Variants in NIN observed in about 807,000 individuals in gnomAD.
NIN encodes ninein.
NIN carries 137 observed loss-of-function variants against 257.6 expected under a neutral mutation model. The ratio of observed to expected loss-of-function variants is 0.53; its 90% CI spans 0.46 to 0.61. The LOEUF is 0.61. NIN is among the 20% of genes least tolerant of loss of function. NIN has a pLI of 0.00. For missense variants in NIN, 2,439 were observed against 2,501.2 expected (o/e 0.98, Z 0.53); for synonymous variants, 918 against 919.8 (o/e 1.00, Z 0.04).
chr14:50,732,074 C>T (rs568659175), intron 28 of NIN, among the ~76,000 whole-genome samples: 4 of 152,226 alleles, frequency 2.6e-5, no homozygotes, highest in African/African-American at 9.6e-5. Flanking sequence ...CCGAAGTAGG[C>T]GTCAAATTCT....
Position 50,756,706 on chromosome 14 carries a change from C to T in NIN, c.4324G>A (p.Asp1442Asn). Residue 1442 changes from aspartate (D) to asparagine (N), a missense_variant, in exon 18 of 31, where the codon GAC becomes AAC. Physicochemically the swap from Asp to Asn is conservative, Grantham distance 23. Coordinates refer to ENST00000530997, the MANE Select transcript of NIN (RefSeq NM_020921.4). ...EENTTLLGFQ[D>N]KHFQHQATIA... ...GTGGCCTGATGCTGAAAATGTTTGT[C>T]TTGAAAGCCTAGGAGAGTAGTGTTT... The T allele has an allele frequency of 6.4e-7, 1 of 1,551,654 alleles. No homozygotes were observed. Among genetic ancestry groups the T allele is most frequent in the Non-Finnish European group, 8.7e-7 (1 of 1,146,996 alleles).
chr14:50,724,078 G>C (rs888495983), intron 30 of NIN: 8 of 191,542 alleles, frequency 4.2e-5, no homozygotes, highest in African/African-American at 1.6e-4. Flanking sequence ...CTTACCATTC[G>C]TAACTACAAC....
At position 50,770,045 on chromosome 14, in the gene NIN, C is replaced by T. The variant is rs73297340; in HGVS notation, c.1434+343G>A. On this transcript the variant is annotated intron_variant, in intron 12 of 30. Transcript: ENST00000530997. ...GCTGAGAATGAGGGGGGCGGGCAGGCGAGAAGATGGGGATCTGAGGGTGAG... is the reference window on the plus strand; with the variant it reads ...GCTGAGAATGAGGGGGGCGGGCAGGTGAGAAGATGGGGATCTGAGGGTGAG... Among the ~76,000 whole-genome samples, 1,466 of 151,582 alleles carry T rather than the reference C, an allele frequency of 9.7e-3. 26 individuals carry two copies. Among genetic ancestry groups the T allele is most frequent in the African/African-American group, 0.034 (1,412 of 41,290 alleles).
At position 50,777,071 on chromosome 14, in the gene NIN, A is replaced by G. The variant is rs755289936; in HGVS notation, c.544T>C (p.Trp182Arg). ...SQSGSSPPQD[W>R]IEEKLQEVCE... ...ACTTCTTGCAGTTTCTCTTCTATCC[A>G]GTCTTGGGGAGGGGAAGATCCACTC... is the stretch of plus-strand genomic sequence containing the variant. The change falls in exon 7 of 31, where the codon TGG becomes CGG. Residue 182 changes from tryptophan to arginine, a missense_variant. This residue lies in a region of NIN where 387 missense variants were observed against 427.3 expected (regional missense o/e 0.91). Transcript: ENST00000530997. The G allele has an allele frequency of 6.2e-7, 1 of 1,614,158 alleles. No homozygotes were observed. The highest frequency in any genetic ancestry group is 1.1e-5 in the South Asian group (1 of 91,086).
chr14:50,728,861 TTAAA>T (rs2040544428), intron 29 of NIN, among the ~76,000 whole-genome samples: 2 of 152,250 alleles, frequency 1.3e-5, no homozygotes, highest in Non-Finnish European at 2.9e-5. Flanking sequence ...TTTTATTTTC[TTAAA>T]TAGTTTTATG....
At chr14:50,796,360 T>C (rs1175216488) in intron 4 of NIN, among the ~76,000 whole-genome samples, 1 of 152,150 alleles carries the variant, frequency 6.6e-6, no homozygotes, top group African/African-American at 2.4e-5. Context: ...CAGGGGACAG[T>C]AGAGAAACCT....
At chr14:50,754,891 A>G (rs1324452053) in intron 18 of NIN, 24 bp from the exon 19 acceptor site, 2 of 1,524,018 alleles carry the variant, frequency 1.3e-6, no homozygotes, top group Non-Finnish European at 1.8e-6. Flanking sequence ...ATTGAAAAAA[A>G]TTGTTACAAG....
At chr14:50,770,632 T>C (rs542509649) in intron 11 of NIN, 70 bp from the exon 12 acceptor site, 2 of 1,549,714 alleles carry the variant, frequency 1.3e-6, no homozygotes, top group East Asian at 2.2e-5. Flanking sequence ...CTACCAAAAA[T>C]GGAAACACAG....
At chr14:50,737,391 A>C (rs747559386) in intron 27 of NIN, among the ~76,000 whole-genome samples, 2 of 150,410 alleles carry the variant, frequency 1.3e-5, no homozygotes, top group Non-Finnish European at 2.9e-5. Flanking sequence ...CAACATGTAG[A>C]CTGCATCCTC....
At position 50,758,011 on chromosome 14, in the gene NIN, C is replaced by A; in HGVS notation, c.3019G>T (p.Glu1007Ter). 1 of 1,614,222 alleles carries A rather than the reference C, an allele frequency of 6.2e-7. No homozygotes were observed. The highest frequency in any genetic ancestry group is 8.5e-7 in the Non-Finnish European group (1 of 1,180,036). Residue 1007 changes from glutamate (E) to a stop codon, truncating the protein, a stop_gained, in exon 18 of 31, where the codon GAG (glutamate) becomes TAG (stop). Coordinates refer to ENST00000530997, the MANE Select transcript of NIN (RefSeq NM_020921.4). LOFTEE classifies it high-confidence loss of function. ...AGTCTGGAGATTTCTGTGCTCATCT[C>A]GGCTCTTTCTCGATCTGCTGTCTCA... ...TCETADRERA[E>*]MSTEISRLQS...
In NIN at chr14:50,719,895, A is replaced by G. The variant is rs73295424; in HGVS notation, c.*3568T>C. Reference sequence around the variant, plus strand: ...GGATAGAATGGCTAAGATGAAATATACAAAGCTGATATAAACACAGAACTC... The same window carrying G: ...GGATAGAATGGCTAAGATGAAATATGCAAAGCTGATATAAACACAGAACTC... On this transcript the variant is annotated 3_prime_UTR_variant, in exon 31 of 31. Coordinates refer to ENST00000530997, the MANE Select transcript of NIN (RefSeq NM_020921.4). 4.5e-3 allele frequency: 945 copies of G among 208,376 alleles called. 8 individuals are homozygous for G. The highest frequency in any genetic ancestry group is 0.02 in the African/African-American group (874 of 44,056). The allele number at this position is 208,376 out of a possible 1,614,324, so 12.9% of individuals were successfully genotyped here.
rs758406906 is a variant in NIN, at chr14:50,741,617, A to G, written c.5413T>C (p.Ser1805Pro). 2 of 1,614,050 alleles carry G rather than the reference A, an allele frequency of 1.2e-6. No homozygotes were observed. Among genetic ancestry groups the G allele is most frequent in the South Asian group, 1.1e-5 (1 of 91,092 alleles). Reference sequence around the variant, plus strand: ...GCATTCTGAAGTTGCTTATGTAAAGACATCACTTCTTGTTTTAAAGCCTCC... The same window carrying G: ...GCATTCTGAAGTTGCTTATGTAAAGGCATCACTTCTTGTTTTAAAGCCTCC... The part of the protein sequence containing the change: ...EKEALKQEVM[S>P]LHKQLQNAGG... Residue 1805 changes from serine (S) to proline (P), a missense_variant, in exon 25 of 31, where the codon TCT (serine) becomes CCT (proline). Transcript: ENST00000530997.
At chr14:50,727,969 T>C (rs2040494202) in intron 29 of NIN, among the ~76,000 whole-genome samples, 1 of 152,164 alleles carries the variant, frequency 6.6e-6, no homozygotes, top group Non-Finnish European at 1.5e-5. Context: ...AAAATTAGTG[T>C]CAGCTCAGCA....
intron 4 of NIN, among the ~76,000 whole-genome samples, chr14:50,800,665 C>T (rs1483009401): frequency 1.3e-5 from 2 of 152,134 alleles, no homozygotes; most frequent in East Asian, 3.8e-4. Context: ...TATCATTTTA[C>T]AAAACATCAG....
intron 15 of NIN, 36 bp downstream of exon 15, chr14:50,763,790 A>G: frequency 6.3e-7 from 1 of 1,587,888 alleles, no homozygotes; most frequent in South Asian, 1.1e-5. Context: ...AAACAAGAGT[A>G]AAGGCTTTAT....
intron 27 of NIN, among the ~76,000 whole-genome samples, 153 bp downstream of exon 27, chr14:50,737,987 C>G (rs887562310): frequency 6.6e-6 from 1 of 152,128 alleles, no homozygotes; most frequent in African/African-American, 2.4e-5. Flanking sequence ...AAAAGAACCA[C>G]GATGCTATTT....
intron 27 of NIN, among the ~76,000 whole-genome samples, chr14:50,736,835 C>T (rs574103734): frequency 6.6e-6 from 1 of 152,240 alleles, no homozygotes; most frequent in Non-Finnish European, 1.5e-5. Context: ...ATATTTTTCT[C>T]AGATTTCTAA....
intron 28 of NIN, 35 bp downstream of exon 28, chr14:50,735,481 T>A: frequency 6.2e-7 from 1 of 1,605,108 alleles, no homozygotes; most frequent in Non-Finnish European, 8.5e-7. Flanking sequence ...ATTAACATAT[T>A]CTTCATAGCT....
intron 4 of NIN, chr14:50,806,161 A>G (rs1192273435): frequency 6.6e-6 from 1 of 152,260 alleles, no homozygotes; most frequent in Non-Finnish European, 1.5e-5. Flanking sequence ...AAATCAGTGA[A>G]GTATAATATT....
Sources: allele counts gnomAD v4.1 joint callset (sites outside exome capture counted in the v4.1 genomes callset), GRCh38; gene constraint gnomAD v4.1.1; regional missense constraint gnomAD v4.1.1; transcripts MANE v1.5; gene names NCBI Gene and HGNC (gene_info 2026-07-23, HGNC 2026-07-21).